Variants in AMPD3 observed in about 807,000 individuals in gnomAD.
AMPD3 encodes AMP deaminase 3.
In AMPD3, 57 loss-of-function variants were observed where a neutral mutation model predicts 82.3. That is an observed-to-expected ratio of 0.69 (90% CI 0.56 to 0.86). The LOEUF (loss-of-function observed/expected upper bound fraction) is 0.86, where lower values mean the gene tolerates loss of function less well. Among genes scored for constraint, AMPD3 ranks in the 40% least tolerant of loss-of-function variants. The probability of loss-of-function intolerance (pLI) is 0.00; values close to 1 mark genes in which losing one functional copy is unlikely to be tolerated. For synonymous variants in AMPD3, 381 were observed against 394.7 expected, an observed-to-expected ratio of 0.97 and a Z score of 0.41; for missense variants, 870 against 1,003.8, an observed-to-expected ratio of 0.87 and a Z score of 1.80.
Position 10,504,424 on chromosome 11 carries a change from T to A in AMPD3, c.2017-125T>A, listed in dbSNP as rs1419762580. On this transcript the variant is annotated intron_variant, in intron 13 of 14. Coordinates refer to ENST00000396553, the MANE Select transcript of AMPD3 (RefSeq NM_001025389.2). ...GCTTTGAAGGTGTGATGTTTGATGA[T>A]CCAGGTGCCATTTAGTGAGGAAAAG... 45 of 1,074,756 alleles carry A rather than the reference T, an allele frequency of 4.2e-5. No individual in the cohort carries two copies. In the South Asian group the frequency reaches 5.7e-4, roughly 14 times the overall value. The allele number at this position is 1,074,756 out of a possible 1,614,324, so 66.6% of individuals were successfully genotyped here. A position where few individuals can be genotyped will look rare whatever the true frequency, so the allele number is the denominator to read the frequency against.
chr11:10,495,125 C>T, intron 8 of AMPD3, 95 bp downstream of exon 8: 3 of 1,610,746 alleles, frequency 1.9e-6, no homozygotes, highest in East Asian at 2.2e-5. Flanking sequence ...GCCCCTTCCC[C>T]TCCCTCTGTG....
upstream of AMPD3, among the ~76,000 whole-genome samples, chr11:10,453,333 C>G (rs1001264806): frequency 1.2e-4 from 19 of 152,228 alleles, no homozygotes; most frequent in Admixed American, 1.2e-3. Flanking sequence ...AGCTAGTTCA[C>G]TTGTTCATTG....
At chr11:10,484,636 C>T (rs1564848589) in intron 4 of AMPD3, 184 bp from the exon 5 acceptor site, 5 of 645,978 alleles carry the variant, frequency 7.7e-6, no homozygotes, top group Non-Finnish European at 9.6e-6. Context: ...AAAGAAGTGA[C>T]ATGGTTTGAC....
At position 10,487,300 on chromosome 11, in the gene AMPD3, AC is replaced by A; in HGVS notation, c.876del (p.Asn292LysfsTer9). 1.2e-6 allele frequency: 2 copies of A among 1,614,140 alleles called. No homozygotes were observed. The highest frequency in any genetic ancestry group is 1.7e-6 in the Non-Finnish European group (2 of 1,180,024). On this transcript the variant is annotated frameshift_variant, in exon 6 of 15. Transcript: ENST00000396553. LOFTEE classifies it high-confidence loss of function. ...ESKFSLHEML[N>X]EMSEFKELKS... ...AAGTTCAGCCTTCATGAGATGTTAA[AC>A]GAAATGTCCGAGTTCAAAGAGTTGA...
intron 6 of AMPD3, among the ~76,000 whole-genome samples, chr11:10,491,798 G>C (rs1040806765): frequency 3.3e-5 from 5 of 152,170 alleles, no homozygotes; most frequent in Non-Finnish European, 5.9e-5. Flanking sequence ...GGTCAGAGAT[G>C]GAGAGTCCAC....
Position 10,487,808 on chromosome 11 carries a change from C to A in AMPD3, c.939+444C>A, listed in dbSNP as rs866604210. 2.0e-5 allele frequency among the ~76,000 whole-genome samples: 3 copies of A among 152,158 alleles called. No homozygotes were observed. In the East Asian group the frequency reaches 5.8e-4, roughly 29 times the overall value. On this transcript the variant is annotated intron_variant, in intron 6 of 14. Coordinates refer to ENST00000396553, the MANE Select transcript of AMPD3 (RefSeq NM_001025389.2). ...CAGCTCCCTTATAAGTGAGAACATG[C>A]GGTGTTTGGTTTTCTCTTCCTGTGT...
intron 6 of AMPD3, 26 bp downstream of exon 6, chr11:10,487,390 C>A: frequency 6.2e-7 from 1 of 1,613,438 alleles, no homozygotes; most frequent in Non-Finnish European, 8.5e-7. Flanking sequence ...GTGTTCACAG[C>A]TGCCTCACCC....
intron 7 of AMPD3, chr11:10,494,488 G>C (rs2133921650): frequency 1.1e-6 from 1 of 877,146 alleles, no homozygotes. Context: ...TAAACGTTGT[G>C]TTGTACATGC....
At chr11:10,492,828 G>C (rs1304464606) in intron 6 of AMPD3, among the ~76,000 whole-genome samples, 1 of 152,156 alleles carries the variant, frequency 6.6e-6, no homozygotes. Context: ...CTCCCAAATG[G>C]AGGAGGTTGT....
At chr11:10,452,213 C>T (rs1289356139), upstream of AMPD3, among the ~76,000 whole-genome samples, 1 of 151,746 alleles carries the variant, frequency 6.6e-6, no homozygotes, top group Admixed American at 6.6e-5. Context: ...CTGACTGGAT[C>T]ACTCTTCAAA....
intron 3 of AMPD3, chr11:10,480,057 C>T (rs1480149804): frequency 1.3e-6 from 1 of 787,772 alleles, no homozygotes; most frequent in Non-Finnish European, 1.5e-6. Flanking sequence ...CATATAATAG[C>T]TTCTTTCTCC....
chr11:10,504,068 T>C, intron 13 of AMPD3: 2 of 966,710 alleles, frequency 2.1e-6, no homozygotes, highest in Non-Finnish European at 2.5e-6. Context: ...CTATGATCAC[T>C]TCTCATTTTT....
At chr11:10,471,947 G>A (rs996630882) in intron 2 of AMPD3, among the ~76,000 whole-genome samples, 5 of 152,148 alleles carry the variant, frequency 3.3e-5, no homozygotes, top group East Asian at 3.9e-4. Context: ...CCATTACTGG[G>A]TATATACCCA....
chr11:10,453,648 G>A (rs1848015131), upstream of AMPD3, among the ~76,000 whole-genome samples: 1 of 151,934 alleles, frequency 6.6e-6, no homozygotes, highest in South Asian at 2.1e-4. Context: ...CAGTGCAGTG[G>A]TGCAATGTCA....
chr11:10,473,875 C>T (rs1301821501), intron 2 of AMPD3, among the ~76,000 whole-genome samples: 1 of 152,196 alleles, frequency 6.6e-6, no homozygotes, highest in Admixed American at 6.5e-5. Flanking sequence ...TTCAGATTCC[C>T]AGTGTTTGCA....
chr11:10,483,647 T>C (rs964319753), intron 4 of AMPD3, among the ~76,000 whole-genome samples: 2 of 152,236 alleles, frequency 1.3e-5, no homozygotes, highest in Non-Finnish European at 2.9e-5. Flanking sequence ...ACTGCCTGCA[T>C]CTCACAGACC....
At chr11:10,480,288 A>G (rs752174019) in intron 3 of AMPD3, among the ~76,000 whole-genome samples, 1 of 152,206 alleles carries the variant, frequency 6.6e-6, no homozygotes, top group Non-Finnish European at 1.5e-5. Context: ...TAGCCATGGC[A>G]TGAGCCCCTT....
chr11:10,502,809 C>T lies in AMPD3; in HGVS notation c.1931C>T (p.Ser644Phe). Residue 644 changes from serine to phenylalanine, a missense_variant, in exon 13 of 15, where the codon TCC becomes TTC. Ser to Phe is a radical substitution (Grantham distance 155). Coordinates refer to ENST00000396553, the MANE Select transcript of AMPD3 (RefSeq NM_001025389.2). ...LSNNSLFLEY[S>F]KNPLREFLHK... Reference sequence around the variant, plus strand: ...AACAACAGTTTGTTCCTCGAATATTCCAAGAACCCTCTGAGGGAATTCCTA... The same window carrying T: ...AACAACAGTTTGTTCCTCGAATATTTCAAGAACCCTCTGAGGGAATTCCTA... The T allele has an allele frequency of 6.2e-7, 1 of 1,614,160 alleles. No homozygotes were observed. The highest frequency in any genetic ancestry group is 8.5e-7 in the Non-Finnish European group (1 of 1,179,978).
chr11:10,455,826 G>T, intron 1 of AMPD3: 1 of 875,786 alleles, frequency 1.1e-6, no homozygotes, highest in Non-Finnish European at 1.4e-6. Context: ...GGCTGCTTTA[G>T]GGGGGCTTTC....
Sources: allele counts gnomAD v4.1 joint callset (sites outside exome capture counted in the v4.1 genomes callset), GRCh38; gene constraint gnomAD v4.1.1; transcripts MANE v1.5; gene names NCBI Gene and HGNC (gene_info 2026-07-23, HGNC 2026-07-21).